Variants in TBC1D16 observed in about 807,000 individuals in gnomAD.
TBC1D16 encodes TBC1 domain family member 16.
A neutral mutation model predicts 74.7 loss-of-function variants in TBC1D16; 58 were observed. The observed-to-expected ratio is 0.78, with a 90% confidence interval of 0.63 to 0.97. The LOEUF is 0.97. TBC1D16 is among the 50% of genes least tolerant of loss of function. TBC1D16 has a pLI of 0.00. For missense variants in TBC1D16, 1,014 were observed against 1,079.5 expected, an observed-to-expected ratio of 0.94 and a Z score of 0.85; for synonymous variants, 493 against 474.7, an observed-to-expected ratio of 1.04 and a Z score of -0.50.
chr17:80,002,265 G>C (rs2035519141), intron 3 of TBC1D16, among the ~76,000 whole-genome samples: 1 of 152,174 alleles, frequency 6.6e-6, no homozygotes, highest in African/African-American at 2.4e-5. Context: ...AGGAGGACAG[G>C]GGCCATTACA....
intron 1 of TBC1D16, among the ~76,000 whole-genome samples, chr17:80,030,553 C>G (rs1334951313): frequency 5.3e-5 from 8 of 152,256 alleles, no homozygotes; most frequent in Non-Finnish European, 1.2e-4. Flanking sequence ...CCAGAACCCT[C>G]CTGGAGGTAG....
At chr17:79,977,881 C>T (rs141055890) in intron 3 of TBC1D16, among the ~76,000 whole-genome samples, 3 of 152,220 alleles carry the variant, frequency 2.0e-5, no homozygotes, top group African/African-American at 2.4e-5. Context: ...GCTGCCAGTT[C>T]GAAGAGGCAG....
intron 3 of TBC1D16, among the ~76,000 whole-genome samples, chr17:79,964,164 C>T (rs1346925675): frequency 6.6e-6 from 1 of 151,934 alleles, no homozygotes; most frequent in Non-Finnish European, 1.5e-5. Flanking sequence ...TTGGTAGAGA[C>T]GGGGTTTCAC....
At chr17:80,026,284 G>A (rs1387554275) in intron 1 of TBC1D16, among the ~76,000 whole-genome samples, 1 of 149,740 alleles carries the variant, frequency 6.7e-6, no homozygotes, top group Non-Finnish European at 1.5e-5. Flanking sequence ...AATTAGCCAG[G>A]CATGGTGGCG....
At position 80,003,974 on chromosome 17, in the gene TBC1D16, G is replaced by A. The variant is rs146465303; in HGVS notation, c.779+6186C>T. Reference sequence around the variant, plus strand: ...TGAGGTGGGAGGATCGCTCGAGCCCGGGAGGTGGAGGCTGCAGTGAGCTGT... The same window carrying A: ...TGAGGTGGGAGGATCGCTCGAGCCCAGGAGGTGGAGGCTGCAGTGAGCTGT... On this transcript the variant is annotated intron_variant, in intron 3 of 11. Coordinates refer to ENST00000310924, the MANE Select transcript of TBC1D16 (RefSeq NM_019020.4). 3.0e-3 allele frequency among the ~76,000 whole-genome samples: 455 copies of A among 152,352 alleles called. 2 individuals carry two copies. Among genetic ancestry groups the A allele is most frequent in the East Asian group, 8.7e-3 (45 of 5,190 alleles).
chr17:79,979,310 A>G lies in TBC1D16; in HGVS notation c.780-26492T>C, dbSNP rs1328595997. ...GCTCCGGGGACGCACACCCACGCCC[A>G]GAGCACACACGCTCCAGGGATGCAC... On this transcript the variant is annotated intron_variant, in intron 3 of 11. Transcript: ENST00000310924. The surrounding 1 kb of genome is among the most constrained non-coding windows in gnomAD (Gnocchi z 4.8). Among the ~76,000 whole-genome samples the G allele has an allele frequency of 4.6e-5, 7 of 151,606 alleles. No homozygotes were observed.
At chr17:79,943,996 C>T in intron 10 of TBC1D16, 1 of 1,529,826 alleles carries the variant, frequency 6.5e-7, no homozygotes, top group East Asian at 2.5e-5. Context: ...CAGGCTGAGC[C>T]AGGAGGGAAA....
rs1301533043 is a variant in TBC1D16 at position 79,933,788 on chromosome 17, T to A, written c.*7071A>T. 6.6e-6 allele frequency: 1 copy of A among 152,204 alleles called. No individual in the cohort carries two copies. The highest frequency in any genetic ancestry group is 2.4e-5 in the African/African-American group (1 of 41,424). 9.4% of individuals were successfully genotyped at this position (152,204 alleles called of 1,614,324 possible). A position where few individuals can be genotyped will look rare whatever the true frequency, so the allele number is the denominator to read the frequency against. ...CATTTGAGGGTGTGCAGGGTACATA[T>A]GTGTCTGCCCCGGGAATCCAAGTAG... On this transcript the variant is annotated 3_prime_UTR_variant, in exon 12 of 12. Transcript: ENST00000310924.
At chr17:80,013,327 T>C in intron 2 of TBC1D16, 40 bp downstream of exon 2, 3 of 1,553,216 alleles carry the variant, frequency 1.9e-6, no homozygotes, top group Non-Finnish European at 2.6e-6. Flanking sequence ...GAAAATAACC[T>C]GGGCTGTGCG....
chr17:80,019,341 G>T (rs1210277315), intron 1 of TBC1D16, among the ~76,000 whole-genome samples: 1 of 149,608 alleles, frequency 6.7e-6, no homozygotes, highest in Non-Finnish European at 1.5e-5. Flanking sequence ...ACCACTCAGG[G>T]TCATTTCGTG....
intron 2 of TBC1D16, among the ~76,000 whole-genome samples, chr17:80,011,330 G>A (rs1185849999): frequency 6.6e-6 from 1 of 151,654 alleles, no homozygotes; most frequent in Non-Finnish European, 1.5e-5. Context: ...TACAGGCGAT[G>A]AGCCACGAAC....
intron 9 of TBC1D16, 41 bp from the exon 10 acceptor site, chr17:79,945,128 A>G: frequency 6.6e-7 from 1 of 1,515,774 alleles, no homozygotes; most frequent in South Asian, 1.3e-5. Flanking sequence ...CTCCGGTCCC[A>G]TGCGGCCTGC....
In TBC1D16 at chr17:79,941,310, T is replaced by C. The variant is rs939450081; in HGVS notation, c.2056-203A>G. On this transcript the variant is annotated intron_variant, in intron 11 of 11. Coordinates refer to ENST00000310924, the MANE Select transcript of TBC1D16 (RefSeq NM_019020.4). The surrounding 1 kb of genome is among the most constrained non-coding windows in gnomAD (Gnocchi z 4.3). ...CCTGGGTCTTAGGTGGCTGCAGTGA[T>C]GGGACCCACAAGGCACTCGGGCTGT... Among the ~76,000 whole-genome samples, 2 of 152,132 alleles carry C rather than the reference T, an allele frequency of 1.3e-5. No homozygotes were observed. The highest frequency in any genetic ancestry group is 4.8e-5 in the African/African-American group (2 of 41,420).
chr17:79,985,939 G>A lies in TBC1D16; in HGVS notation c.779+24221C>T, dbSNP rs9902912. On this transcript the variant is annotated intron_variant, in intron 3 of 11. Coordinates refer to ENST00000310924, the MANE Select transcript of TBC1D16 (RefSeq NM_019020.4). The surrounding 1 kb of genome is among the most constrained non-coding windows in gnomAD (Gnocchi z 4.9). ...TCCCGGCAAAGCTTAATTTAAATAAGAAAGCAGAAAGGTTATGAAAAACCA... is the reference window on the plus strand; with the variant it reads ...TCCCGGCAAAGCTTAATTTAAATAAAAAAGCAGAAAGGTTATGAAAAACCA... Among the ~76,000 whole-genome samples the A allele has an allele frequency of 0.096, 14,607 of 152,246 alleles. 1,612 individuals are homozygous for A. The highest frequency in any genetic ancestry group is 0.27 in the African/African-American group (11,150 of 41,488).
At chr17:80,032,772 C>T (rs892541231) in intron 1 of TBC1D16, among the ~76,000 whole-genome samples, 2 of 152,204 alleles carry the variant, frequency 1.3e-5, no homozygotes, top group South Asian at 2.1e-4. Flanking sequence ...TAAAATCATC[C>T]TCTGCGCTGT....
intron 3 of TBC1D16, among the ~76,000 whole-genome samples, chr17:79,972,954 T>A (rs1250303094): frequency 6.6e-6 from 1 of 152,126 alleles, no homozygotes; most frequent in Non-Finnish European, 1.5e-5. Flanking sequence ...TGGTGGTGCC[T>A]ACCTGTAATC....
Position 80,007,233 on chromosome 17 carries a change from C to T in TBC1D16, c.779+2927G>A, listed in dbSNP as rs1369286195. ...TTCTGAGCCTTCATCAGGAGCAGGG[C>T]CGGGCTGTGGTAAGCACCCCCCAGC... is the stretch of plus-strand genomic sequence containing the variant. On this transcript the variant is annotated intron_variant, in intron 3 of 11. Transcript: ENST00000310924. This position sits in a 1 kb window ranked among gnomAD's most constrained non-coding sequence, Gnocchi z 4.5. Among the ~76,000 whole-genome samples the T allele has an allele frequency of 6.6e-6, 1 of 152,184 alleles. No individual in the cohort carries two copies. Among genetic ancestry groups the T allele is most frequent in the African/African-American group, 2.4e-5 (1 of 41,438 alleles).
chr17:79,945,087 G>T lies in TBC1D16; in HGVS notation c.1729C>A (p.Leu577Met). 6.3e-7 allele frequency: 1 copy of T among 1,578,110 alleles called. No homozygotes were observed. The highest frequency in any genetic ancestry group is 2.3e-5 in the East Asian group (1 of 43,534). Reference protein sequence around the residue: ...PRDEDMEKQLLYLRELLRLTH... With the variant: ...PRDEDMEKQLMYLRELLRLTH... ...AGCCGCAGCAGCTCGCGCAGGTACA[G>T]CTGGGGGTGAGGCCGTCACGCGTTA... Residue 577 changes from leucine to methionine, a missense_variant and splice_region_variant, in exon 10 of 12, where the codon CTG (leucine) becomes ATG (methionine). Transcript: ENST00000310924.
At chr17:79,946,398 G>T (rs2032542512) in intron 9 of TBC1D16, among the ~76,000 whole-genome samples, 1 of 152,190 alleles carries the variant, frequency 6.6e-6, no homozygotes, top group South Asian at 2.1e-4. Context: ...AGGCGGGAAT[G>T]CTCGCTGGCC....
Sources: allele counts gnomAD v4.1 joint callset (sites outside exome capture counted in the v4.1 genomes callset), GRCh38; gene constraint gnomAD v4.1.1; non-coding constraint Gnocchi (gnomAD v3.1); transcripts MANE v1.5; gene names NCBI Gene and HGNC (gene_info 2026-07-23, HGNC 2026-07-21).